RALGPS2: variants seen among roughly 807,000 people sequenced by gnomAD.
RALGPS2 encodes ras-specific guanine nucleotide-releasing factor RalGPS2.
A neutral mutation model predicts 86.8 loss-of-function variants in RALGPS2; 43 were observed. The ratio of observed to expected loss-of-function variants is 0.50; its 90% CI spans 0.39 to 0.64. The LOEUF is 0.64. Ranked by LOEUF, RALGPS2 falls within the 30% of genes least tolerant of loss-of-function variation. RALGPS2 has a pLI of 0.00. For synonymous variants in RALGPS2, 243 were observed against 231.3 expected (o/e 1.05, Z -0.46); for missense variants, 536 against 694.6 (o/e 0.77, Z 2.57).
chr1:178,827,229 C>G (rs184413151), intron 7 of RALGPS2, among the ~76,000 whole-genome samples: 1 of 152,090 alleles, frequency 6.6e-6, no homozygotes, highest in African/African-American at 2.4e-5. Context: ...ATCCATACAG[C>G]CCAAAGCAAT....
chr1:178,874,691 G>T (rs1658921864), intron 8 of RALGPS2, among the ~76,000 whole-genome samples: 1 of 152,130 alleles, frequency 6.6e-6, no homozygotes, highest in Non-Finnish European at 1.5e-5. Context: ...TTTCCTTGAG[G>T]AATCTTTTAG....
At chr1:178,853,838 A>G in intron 8 of RALGPS2, 1 of 1,416,968 alleles carries the variant, frequency 7.1e-7, no homozygotes, top group Non-Finnish European at 9.3e-7. Context: ...GAGAAGAGAC[A>G]TGTTAAAAGT....
intron 19 of RALGPS2, among the ~76,000 whole-genome samples, chr1:178,910,919 T>C (rs139212532): frequency 2.6e-5 from 4 of 152,218 alleles, no homozygotes; most frequent in African/African-American, 9.6e-5. Context: ...GTAGGTTGTT[T>C]ATTACTGATT....
intron 1 of RALGPS2, among the ~76,000 whole-genome samples, chr1:178,752,495 G>A (rs750993908): frequency 1.3e-5 from 2 of 151,968 alleles, no homozygotes; most frequent in Non-Finnish European, 2.9e-5. Flanking sequence ...CTATCTTCCT[G>A]CAGCTACTCC....
At chr1:178,793,318 G>A (rs1219218519) in intron 4 of RALGPS2, among the ~76,000 whole-genome samples, 1 of 151,698 alleles carries the variant, frequency 6.6e-6, no homozygotes, top group Non-Finnish European at 1.5e-5. Flanking sequence ...GAAATTCCTG[G>A]AAGTGGGTAA....
intron 8 of RALGPS2, 31 bp downstream of exon 8, chr1:178,833,581 C>G (rs1656127323): frequency 6.6e-7 from 1 of 1,515,246 alleles, no homozygotes; most frequent in Non-Finnish European, 8.7e-7. Context: ...TTTTTTGTTT[C>G]TAGTTGTTAC....
chr1:178,792,263 A>AG (rs776895401), intron 4 of RALGPS2, among the ~76,000 whole-genome samples: 1 of 152,206 alleles, frequency 6.6e-6, no homozygotes, highest in Non-Finnish European at 1.5e-5. Flanking sequence ...ATAGAAAAAA[A>AG]GTTCACTCAT....
intron 15 of RALGPS2, among the ~76,000 whole-genome samples, chr1:178,893,095 A>C (rs1007009354): frequency 6.6e-6 from 1 of 152,100 alleles, no homozygotes; most frequent in Non-Finnish European, 1.5e-5. Context: ...CATTGCTCTT[A>C]TAGGAATTCT....
chr1:178,921,047 C>T lies in RALGPS2; in HGVS notation c.*4688C>T, dbSNP rs947445369. On this transcript the variant is annotated 3_prime_UTR_variant, in exon 20 of 20. Coordinates refer to ENST00000367635, the MANE Select transcript of RALGPS2 (RefSeq NM_152663.5). ...TGCTTCTCTCAGATTATTGGAAGAC[C>T]TAGAGCTACTGGATGTTAACCTGAA... 2 of 151,946 alleles carry T rather than the reference C, an allele frequency of 1.3e-5. No homozygotes were observed. Among genetic ancestry groups the T allele is most frequent in the African/African-American group, 4.8e-5 (2 of 41,404 alleles). 9.4% of individuals were successfully genotyped at this position (151,946 alleles called of 1,614,324 possible).
intron 8 of RALGPS2, among the ~76,000 whole-genome samples, chr1:178,833,967 G>A (rs1235576222): frequency 6.6e-6 from 1 of 152,124 alleles, no homozygotes; most frequent in African/African-American, 2.4e-5. Context: ...TTGTTTACCT[G>A]AATGAAATGA....
At position 178,848,157 on chromosome 1, in the gene RALGPS2, G is replaced by A. The variant is rs571284137; in HGVS notation, c.607+14607G>A. Reference sequence around the variant, plus strand: ...GACCCCATCTCTACAAAGAAAATACGAAAATTAGCTGGGCATGGTGGCATG... The same window carrying A: ...GACCCCATCTCTACAAAGAAAATACAAAAATTAGCTGGGCATGGTGGCATG... On this transcript the variant is annotated intron_variant, in intron 8 of 19. Transcript: ENST00000367635. 1.9e-3 allele frequency among the ~76,000 whole-genome samples: 282 copies of A among 151,808 alleles called. 1 individual carries two copies. Among genetic ancestry groups the A allele is most frequent in the African/African-American group, 3.6e-3 (151 of 41,430 alleles).
intron 1 of RALGPS2, among the ~76,000 whole-genome samples, chr1:178,753,394 G>T (rs922676644): frequency 2.0e-5 from 3 of 152,160 alleles, no homozygotes; most frequent in Admixed American, 1.3e-4. Context: ...AGACCTGGGG[G>T]TTTGAAATGC....
At chr1:178,764,291 C>CT (rs1376250955) in intron 1 of RALGPS2, among the ~76,000 whole-genome samples, 1 of 152,108 alleles carries the variant, frequency 6.6e-6, no homozygotes, top group Non-Finnish European at 1.5e-5. Context: ...GCAACCTCTG[C>CT]TTTTTTCTAT....
chr1:178,813,616 G>A (rs1349884317), intron 6 of RALGPS2, among the ~76,000 whole-genome samples: 1 of 152,148 alleles, frequency 6.6e-6, no homozygotes, highest in Non-Finnish European at 1.5e-5. Flanking sequence ...TGTATAAAGA[G>A]ATCTAAATAT....
chr1:178,859,210 C>A (rs1190613645), intron 8 of RALGPS2, among the ~76,000 whole-genome samples: 1 of 151,988 alleles, frequency 6.6e-6, no homozygotes, highest in South Asian at 2.1e-4. Context: ...TCCAACAGCA[C>A]CTTGGCTTAA....
intron 8 of RALGPS2, among the ~76,000 whole-genome samples, chr1:178,859,830 C>CCA: frequency 1.0e-5 from 1 of 98,540 alleles, no homozygotes; most frequent in East Asian, 3.4e-4. Context: ...GCCCCCCCCC[C>CCA]CCCAACCGCC....
At chr1:178,798,050 G>A (rs1322592111) in intron 4 of RALGPS2, among the ~76,000 whole-genome samples, 1 of 150,318 alleles carries the variant, frequency 6.7e-6, no homozygotes, top group East Asian at 1.9e-4. Flanking sequence ...AAAAGGGATG[G>A]CGTGAATGTA....
chr1:178,833,626 G>T (rs1404745510), intron 8 of RALGPS2, 76 bp downstream of exon 8: 4 of 1,482,902 alleles, frequency 2.7e-6, no homozygotes, highest in South Asian at 1.4e-5. Context: ...GAAATTCAAG[G>T]TATTTTTTAA....
intron 8 of RALGPS2, chr1:178,853,029 C>T: frequency 6.6e-7 from 1 of 1,511,072 alleles, no homozygotes; most frequent in South Asian, 1.4e-5. Flanking sequence ...CAGTGTTAAA[C>T]ATTCGATAGC....
Sources: gnomAD v4.1 joint callset for allele counts (sites outside exome capture counted in the v4.1 genomes callset) on GRCh38, gnomAD v4.1.1 for gene constraint, MANE v1.5 for transcripts, NCBI Gene and HGNC (gene_info 2026-07-23, HGNC 2026-07-21) for gene names.